CSMD1: variants seen among roughly 807,000 people sequenced by gnomAD.
CSMD1 encodes CUB and Sushi multiple domains 1.
In CSMD1, 213 loss-of-function variants were observed where a neutral mutation model predicts 417.5. That is an observed-to-expected ratio of 0.51 (90% confidence interval 0.46 to 0.57). The LOEUF is 0.57. Among genes scored for constraint, CSMD1 ranks in the 20% least tolerant of loss-of-function variants. The probability of loss-of-function intolerance (pLI) is 0.00; values close to 1 mark genes in which losing one functional copy is unlikely to be tolerated. For synonymous variants in CSMD1, 2,862 were observed against 1,736.8 expected, an observed-to-expected ratio of 1.65 and a Z score of -16.11; for missense variants, 6,923 against 4,529.7, an observed-to-expected ratio of 1.53 and a Z score of -15.17.
Position 4,283,870 on chromosome 8 carries a change from G to T in CSMD1, c.415+136083C>A, listed in dbSNP as rs115688460. Reference sequence around the variant, plus strand: ...TAACAGTTTCATGTGCTGACCTCCAGGTCTTTCTCCATGTCTTATACATAC... The same window carrying T: ...TAACAGTTTCATGTGCTGACCTCCATGTCTTTCTCCATGTCTTATACATAC... On this transcript the variant is annotated intron_variant, in intron 3 of 69. Coordinates refer to ENST00000635120, the MANE Select transcript of CSMD1 (RefSeq NM_033225.6). Among the ~76,000 whole-genome samples the T allele has an allele frequency of 2.3e-3, 356 of 152,264 alleles. 2 individuals carry two copies. Among genetic ancestry groups the T allele is most frequent in the African/African-American group, 8.2e-3 (341 of 41,554 alleles).
intron 55 of CSMD1, 47 bp from the exon 56 acceptor site, chr8:2,974,671 C>A: frequency 7.0e-7 from 1 of 1,426,276 alleles, no homozygotes; most frequent in Non-Finnish European, 9.4e-7. Flanking sequence ...CCAGTTAAAC[C>A]ACTTTGTATT....
chr8:3,767,586 T>A (rs1331780991), intron 5 of CSMD1, among the ~76,000 whole-genome samples: 1 of 152,214 alleles, frequency 6.6e-6, no homozygotes, highest in Non-Finnish European at 1.5e-5. Flanking sequence ...AATACGAGTG[T>A]GTGGATCTAT....
chr8:4,451,468 T>C (rs377288221), intron 2 of CSMD1, among the ~76,000 whole-genome samples: 4 of 152,206 alleles, frequency 2.6e-5, no homozygotes, highest in African/African-American at 9.6e-5. Flanking sequence ...CAAGTCCCAC[T>C]CTCCTAAAGC....
chr8:3,989,082 C>T (rs1025521139), intron 5 of CSMD1, among the ~76,000 whole-genome samples: 3 of 152,148 alleles, frequency 2.0e-5, no homozygotes, highest in Non-Finnish European at 4.4e-5. Flanking sequence ...CTCTATGGCA[C>T]TGTTTCTTAC....
chr8:3,110,455 A>T (rs1380527424), intron 42 of CSMD1, 120 bp from the exon 43 acceptor site: 6 of 741,452 alleles, frequency 8.1e-6, no homozygotes, highest in East Asian at 3.0e-5. Context: ...TAGGTGTGAA[A>T]TATTTCTGAA....
At chr8:3,450,065 C>G (rs912570148) in intron 12 of CSMD1, among the ~76,000 whole-genome samples, 1 of 152,154 alleles carries the variant, frequency 6.6e-6, no homozygotes, top group Non-Finnish European at 1.5e-5. Flanking sequence ...GAGACACATA[C>G]GAAATTCGGA....
At chr8:4,695,036 A>G (rs770535537) in intron 1 of CSMD1, among the ~76,000 whole-genome samples, 3 of 152,048 alleles carry the variant, frequency 2.0e-5, no homozygotes, top group Non-Finnish European at 2.9e-5. Flanking sequence ...CTTATCTGTC[A>G]TCTTCCCCCT....
chr8:3,096,763 C>G, intron 47 of CSMD1, 86 bp downstream of exon 47: 1 of 892,676 alleles, frequency 1.1e-6, no homozygotes. Context: ...AGAATATATT[C>G]CAGTCTTTAT....
At chr8:4,144,130 C>G (rs1195910330) in intron 3 of CSMD1, among the ~76,000 whole-genome samples, 3 of 151,060 alleles carry the variant, frequency 2.0e-5, no homozygotes, top group Non-Finnish European at 4.4e-5. Context: ...TCCCTGCCCC[C>G]AGACCCAGAT....
chr8:4,958,096 A>G (rs1809241752), intron 1 of CSMD1, among the ~76,000 whole-genome samples: 2 of 152,178 alleles, frequency 1.3e-5, no homozygotes, highest in South Asian at 2.1e-4. Context: ...TAATCCATAA[A>G]GTGATGTCTC....
chr8:3,635,645 G>A (rs1163988537), intron 7 of CSMD1, among the ~76,000 whole-genome samples: 4 of 151,174 alleles, frequency 2.6e-5, no homozygotes, highest in Non-Finnish European at 4.4e-5. Context: ...CACCATGCCT[G>A]GCTATTTTTT....
In CSMD1 at chr8:3,399,389, A is replaced by T; in HGVS notation, c.2405+2T>A. On this transcript the variant is annotated splice_donor_variant, in intron 16 of 69. Coordinates refer to ENST00000635120, the MANE Select transcript of CSMD1 (RefSeq NM_033225.6). LOFTEE classifies it high-confidence loss of function. Reference sequence around the variant, plus strand: ...CCAAATGAAGACTAATTTTTTTCTTACCTGTCAAAAGTTATTTTGATAGAG... The same window carrying T: ...CCAAATGAAGACTAATTTTTTTCTTTCCTGTCAAAAGTTATTTTGATAGAG... 1 of 1,595,242 alleles carries T rather than the reference A, an allele frequency of 6.3e-7. No homozygotes were observed. The highest frequency in any genetic ancestry group is 8.5e-7 in the Non-Finnish European group (1 of 1,171,914).
chr8:4,766,069 A>C (rs1812442243), intron 1 of CSMD1, among the ~76,000 whole-genome samples: 1 of 152,216 alleles, frequency 6.6e-6, no homozygotes, highest in Non-Finnish European at 1.5e-5. Flanking sequence ...TCTAGCTAGA[A>C]GAAAGACATT....
chr8:4,335,926 G>T (rs574401627), intron 3 of CSMD1, among the ~76,000 whole-genome samples: 2 of 152,186 alleles, frequency 1.3e-5, no homozygotes, highest in South Asian at 4.2e-4. Flanking sequence ...TAGTGAGGGA[G>T]CCCCATATTG....
intron 3 of CSMD1, among the ~76,000 whole-genome samples, chr8:4,037,191 C>T (rs75757221): frequency 6.6e-6 from 1 of 152,090 alleles, no homozygotes; most frequent in Non-Finnish European, 1.5e-5. Flanking sequence ...GTGTTTTGAT[C>T]TTTAATATTT....
Position 3,553,292 on chromosome 8 carries a change from G to T in CSMD1, c.1344+21653C>A, listed in dbSNP as rs151231822. Among the ~76,000 whole-genome samples the T allele has an allele frequency of 1.6e-4, 25 of 152,308 alleles. No individual in the cohort carries two copies. In the East Asian group the frequency reaches 3.9e-3, roughly 23 times the overall value. On this transcript the variant is annotated intron_variant, in intron 10 of 69. Coordinates refer to ENST00000635120, the MANE Select transcript of CSMD1 (RefSeq NM_033225.6). ...CAGGCACACCGTCAGCACACGCTTG[G>T]TGAAATGGAGACATGAGAGCCAATT...
In CSMD1 at chr8:4,590,877, G is replaced by C. The variant is rs189199072; in HGVS notation, c.302+46465C>G. On this transcript the variant is annotated intron_variant, in intron 2 of 69. Transcript: ENST00000635120. ...TCTCATAATGACTAATCTTTACTTG[G>C]CAGAACTCATCGTACACATTTCTGT... is the stretch of plus-strand genomic sequence containing the variant. 5.3e-5 allele frequency among the ~76,000 whole-genome samples: 8 copies of C among 152,240 alleles called. No homozygotes were observed. The East Asian group carries it at 7.7e-4, about 15-fold the overall frequency.
chr8:4,418,893 G>A (rs935000285), intron 3 of CSMD1, among the ~76,000 whole-genome samples: 4 of 152,138 alleles, frequency 2.6e-5, no homozygotes, highest in African/African-American at 7.2e-5. Flanking sequence ...CAGAATCGCA[G>A]ACCATTCTCA....
At chr8:3,140,396 T>A (rs1275134254) in intron 41 of CSMD1, among the ~76,000 whole-genome samples, 1 of 152,068 alleles carries the variant, frequency 6.6e-6, no homozygotes, top group Non-Finnish European at 1.5e-5. Flanking sequence ...TAGGGAATGA[T>A]TAGTGAGTGA....
Sources: gnomAD v4.1 joint callset for allele counts (sites outside exome capture counted in the v4.1 genomes callset) on GRCh38, gnomAD v4.1.1 for gene constraint, MANE v1.5 for transcripts, NCBI Gene and HGNC (gene_info 2026-07-23, HGNC 2026-07-21) for gene names.